The following ZSCAN10 variants were observed in gnomAD, a reference collection of about 807,000 sequenced individuals.
ZSCAN10 encodes the protein zinc finger and SCAN domain-containing protein 10.
ZSCAN10 carries 52 observed loss-of-function variants against 63.7 expected under a neutral mutation model. The observed-to-expected ratio is 0.82, with a 90% CI of 0.65 to 1.03. The LOEUF is 1.03. ZSCAN10 is among the 50% of genes least tolerant of loss of function. The pLI is 0.00. For missense variants in ZSCAN10, 1,223 were observed against 1,103.8 expected (o/e 1.11, Z -1.53); for synonymous variants, 544 against 479.6 (o/e 1.13, Z -1.76).
chr16:3,090,874 T>A, intron 5 of ZSCAN10, among the ~76,000 whole-genome samples: 1 of 131,108 alleles, frequency 7.6e-6, no homozygotes, highest in East Asian at 2.2e-4. Flanking sequence ...GCCAACATGG[T>A]GAAGCCCCGT....
rs1443616831 is a variant in ZSCAN10, at chr16:3,089,818, G to C, written c.1616C>G (p.Ala539Gly). Residue 539 changes from alanine (A) to glycine (G), a missense_variant, in exon 6 of 6, where the codon GCC becomes GGC. Transcript: ENST00000576985. ...CTCGCCCGTGTGCACCCTCCGGTGG[G>C]CCACCAGGTGCTCGCTGCGCCGGAA... ...KAFRRSEHLV[A>G]HRRVHTGERP... The C allele has an allele frequency of 6.4e-7, 1 of 1,571,514 alleles. No homozygotes were observed. Among genetic ancestry groups the C allele is most frequent in the African/African-American group, 1.4e-5 (1 of 73,890 alleles).
Position 3,092,552 on chromosome 16 carries a change from G to A in ZSCAN10, c.386C>T (p.Ala129Val), listed in dbSNP as rs780802866. ...LEGIHREPSH[A>V]GPLDFSCNAG... ...GCCCCACCCTCTCACCAGCGGCCCC[G>A]CGTGGCTGGGCTCCCGGTGGATGCC... Residue 129 changes from alanine (A) to valine (V), a missense_variant, in exon 2 of 6, where the codon GCG becomes GTG. By Grantham distance (64) the Ala-to-Val change is moderately conservative. Transcript: ENST00000576985. 3.6e-5 allele frequency: 55 copies of A among 1,534,872 alleles called. No individual in the cohort carries two copies. The South Asian group carries it at 5.1e-4, about 14-fold the overall frequency.
rs771735564 is a variant in ZSCAN10, at chr16:3,090,393, G to T, written c.1041C>A (p.Phe347Leu). The change falls in exon 6 of 6, where the codon TTC becomes TTA. Residue 347 changes from phenylalanine (F) to leucine (L), a missense_variant. Phe to Leu is a conservative substitution (Grantham distance 22). Coordinates refer to ENST00000576985, the MANE Select transcript of ZSCAN10 (RefSeq NM_032805.3). ...GVPEPNPELQFICADCGVSFP... is the reference protein window; with the variant it reads ...GVPEPNPELQLICADCGVSFP... ...AGCTCACCCCGCAGTCCGCGCAGAT[G>T]AACTGCAACTCCGGATTGGGCTCGG... 1 of 1,613,504 alleles carries T rather than the reference G, an allele frequency of 6.2e-7. No individual in the cohort carries two copies. Among genetic ancestry groups the T allele is most frequent in the Non-Finnish European group, 8.5e-7 (1 of 1,179,946 alleles).
intron 1 of ZSCAN10, chr16:3,096,558 GCAAA>G (rs1326143607): frequency 6.6e-6 from 1 of 152,238 alleles, no homozygotes; most frequent in Non-Finnish European, 1.5e-5. Context: ...AAGCACCGCA[GCAAA>G]CAGTGACTCA....
intron 1 of ZSCAN10, among the ~76,000 whole-genome samples, chr16:3,096,785 C>T (rs1325909600): frequency 5.3e-5 from 8 of 151,962 alleles, no homozygotes; most frequent in Non-Finnish European, 1.0e-4. Context: ...AAAAATTAGC[C>T]GGACGTGATG....
intron 3 of ZSCAN10, 106 bp from the exon 4 acceptor site, chr16:3,091,934 C>G (rs1957083247): frequency 6.3e-7 from 1 of 1,594,184 alleles, no homozygotes; most frequent in South Asian, 1.1e-5. Flanking sequence ...GTGAAGACAC[C>G]TTGGCGCTCT....
At chr16:3,092,382 A>T in intron 2 of ZSCAN10, 66 bp from the exon 3 acceptor site, 1 of 1,538,632 alleles carries the variant, frequency 6.5e-7, no homozygotes, top group Non-Finnish European at 8.7e-7. Flanking sequence ...CTCCGAGGGG[A>T]CATGGGACAG....
Position 3,092,127 on chromosome 16 carries a change from G to A in ZSCAN10, c.586C>T (p.Gln196Ter), listed in dbSNP as rs1957087684. 6.2e-7 allele frequency: 1 copy of A among 1,612,786 alleles called. No individual in the cohort carries two copies. Among genetic ancestry groups the A allele is most frequent in the Non-Finnish European group, 8.5e-7 (1 of 1,179,296 alleles). ...TTTGAACTTGGGGGAAGCCTCCACTGTCCCGGCTCAGCAGGCTGGGCAGCC... is the reference window on the plus strand; with the variant it reads ...TTTGAACTTGGGGGAAGCCTCCACTATCCCGGCTCAGCAGGCTGGGCAGCC... Reference protein sequence around the residue: ...PRAAQPAEPGQWRLPPSSKQP... With the variant: ...PRAAQPAEPG Residue 196 changes from glutamine (Q) to a stop codon, truncating the protein, a stop_gained, in exon 3 of 6, where the codon CAG becomes TAG. Coordinates refer to ENST00000576985, the MANE Select transcript of ZSCAN10 (RefSeq NM_032805.3). LOFTEE classifies it high-confidence loss of function.
At chr16:3,095,839 A>AAG (rs1596288957) in intron 1 of ZSCAN10, among the ~76,000 whole-genome samples, 1 of 150,760 alleles carries the variant, frequency 6.6e-6, no homozygotes, top group East Asian at 1.9e-4. Context: ...AAAAAAAAAA[A>AAG]AAAAAATTTA....
In ZSCAN10 at chr16:3,092,965, G is replaced by A. The variant is rs1476749949; in HGVS notation, c.-28C>T. 1.8e-5 allele frequency: 25 copies of A among 1,403,966 alleles called. No individual in the cohort carries two copies. The highest frequency in any genetic ancestry group is 4.4e-5 in the African/African-American group (3 of 68,478). 87.0% of individuals were successfully genotyped at this position (1,403,966 alleles called of 1,614,324 possible). A position where few individuals can be genotyped will look rare whatever the true frequency, so the allele number is the denominator to read the frequency against. The stretch of plus-strand genomic sequence containing the variant: ...TTCACTGCGGGGATGCCTCCCTAAC[G>A]CCAGCCCCGCTCTTGGGTCTCTCTC... On this transcript the variant is annotated 5_prime_UTR_variant, in exon 2 of 6. Coordinates refer to ENST00000576985, the MANE Select transcript of ZSCAN10 (RefSeq NM_032805.3).
intron 5 of ZSCAN10, among the ~76,000 whole-genome samples, 198 bp from the exon 6 acceptor site, chr16:3,090,844 G>C (rs1457811179): frequency 6.7e-6 from 1 of 148,914 alleles, no homozygotes; most frequent in Non-Finnish European, 1.5e-5. Context: ...GAAGTCAGGA[G>C]TGAGTTCAAG....
intron 1 of ZSCAN10, 65 bp from the exon 2 acceptor site, chr16:3,093,069 C>T (rs1051027550): frequency 3.2e-6 from 4 of 1,242,426 alleles, no homozygotes; most frequent in East Asian, 6.0e-5. Context: ...CCTGGGTCAT[C>T]CATGTTAAAA....
At chr16:3,094,217 T>C (rs1957126995) in intron 1 of ZSCAN10, among the ~76,000 whole-genome samples, 1 of 152,160 alleles carries the variant, frequency 6.6e-6, no homozygotes, top group African/African-American at 2.4e-5. Context: ...TCTCATTATG[T>C]TGCCCAGGCT....
chr16:3,089,344 C>T lies in ZSCAN10; in HGVS notation c.2090G>A (p.Arg697His), dbSNP rs1957030084. 1.3e-6 allele frequency: 2 copies of T among 1,591,124 alleles called. No homozygotes were observed. The highest frequency in any genetic ancestry group is 8.5e-7 in the Non-Finnish European group (1 of 1,174,276). ...CAGATGCGCGTTGCGCCGGAAGCTG[C>T]GACCGCACGTCTGACAGCTGTAGGG... ...ERPYSCQTCGRSFRRNAHLRR... is the reference protein window; with the variant it reads ...ERPYSCQTCGHSFRRNAHLRR... Residue 697 changes from arginine (R) to histidine (H), a missense_variant, in exon 6 of 6, where the codon CGC (arginine) becomes CAC (histidine). Physicochemically the swap from Arg to His is conservative, Grantham distance 29. Transcript: ENST00000576985.
intron 1 of ZSCAN10, among the ~76,000 whole-genome samples, chr16:3,098,823 C>T (rs910850896): frequency 2.6e-5 from 4 of 152,192 alleles, no homozygotes; most frequent in Non-Finnish European, 5.9e-5. Context: ...GGTCCTCAGC[C>T]GGGAACACTC....
chr16:3,089,101 G>T lies in ZSCAN10; in HGVS notation c.2333C>A (p.Thr778Lys). The change falls in exon 6 of 6, where the codon ACG becomes AAG. Residue 778 changes from threonine (T) to lysine (K), a missense_variant. Transcript: ENST00000576985. ...GGAAGGCGGGCCAAGCTAGTACAGC[G>T]TCTCGCGGGCGTGGGTGCGCAGGTG... Reference protein sequence around the residue: ...LRHLRTHARETLY With the variant: ...LRHLRTHAREKLY 1 of 1,501,714 alleles carries T rather than the reference G, an allele frequency of 6.7e-7. No homozygotes were observed. Among genetic ancestry groups the T allele is most frequent in the Non-Finnish European group, 8.8e-7 (1 of 1,137,090 alleles). The allele number at this position is 1,501,714 out of a possible 1,614,324, so 93.0% of individuals were successfully genotyped here.
chr16:3,090,977 G>A (rs1027863671), intron 5 of ZSCAN10, among the ~76,000 whole-genome samples: 5 of 152,124 alleles, frequency 3.3e-5, no homozygotes, highest in African/African-American at 1.2e-4. Flanking sequence ...GGCTGAGGCA[G>A]GAGAATCGAT....
chr16:3,092,939 C>T lies in ZSCAN10; in HGVS notation c.-2G>A, dbSNP rs1957105844. The T allele has an allele frequency of 7.0e-7, 1 of 1,422,214 alleles. No individual in the cohort carries two copies. The highest frequency in any genetic ancestry group is 9.2e-7 in the Non-Finnish European group (1 of 1,090,068). The allele number at this position is 1,422,214 out of a possible 1,614,324, so 88.1% of individuals were successfully genotyped here. A position where few individuals can be genotyped will look rare whatever the true frequency, so the allele number is the denominator to read the frequency against. On this transcript the variant is annotated 5_prime_UTR_variant, in exon 2 of 6. Coordinates refer to ENST00000576985, the MANE Select transcript of ZSCAN10 (RefSeq NM_032805.3). ...AGCTGGGACTGATTCTCCAAGCATC[C>T]TTCACTGCGGGGATGCCTCCCTAAC...
rs1332153003 is a variant in ZSCAN10, at chr16:3,089,589, G to A, written c.1845C>T (p.Phe615=). 8 of 1,586,472 alleles carry A rather than the reference G, an allele frequency of 5.0e-6. No homozygotes were observed. Among genetic ancestry groups the A allele is most frequent in the South Asian group, 1.1e-5 (1 of 87,840 alleles). The change falls in exon 6 of 6, where the codon TTC becomes TTT. Residue 615 remains phenylalanine (F), a synonymous_variant. Coordinates refer to ENST00000576985, the MANE Select transcript of ZSCAN10 (RefSeq NM_032805.3). ...GGCGGGCCAGATCCTGGGTCTGGCC[G>A]AAACTCTTCCCGCACTGGGTGCAGT... ...PHHCTQCGKS[F]GQTQDLARHQ...
Sources: gnomAD v4.1 joint callset for allele counts (sites outside exome capture counted in the v4.1 genomes callset) on GRCh38, gnomAD v4.1.1 for gene constraint, MANE v1.5 for transcripts, NCBI Gene and HGNC (gene_info 2026-07-23, HGNC 2026-07-21) for gene names.